Variants in COL13A1 observed in about 807,000 individuals in gnomAD.
The protein encoded by COL13A1 is collagen alpha-1(XIII) chain.
Under a neutral mutation model 130.9 loss-of-function variants are expected in COL13A1, and 89 were observed. The ratio of observed to expected loss-of-function variants is 0.68; its 90% CI spans 0.57 to 0.81. The LOEUF is 0.81. Among genes scored for constraint, COL13A1 ranks in the 30% least tolerant of loss-of-function variants. The probability of loss-of-function intolerance (pLI) is 0.00; values close to 1 mark genes in which losing one functional copy is unlikely to be tolerated. For missense variants in COL13A1, 879 were observed against 934.6 expected, an observed-to-expected ratio of 0.94 and a Z score of 0.78; for synonymous variants, 402 against 341.6, an observed-to-expected ratio of 1.18 and a Z score of -1.95.
intron 26 of COL13A1, among the ~76,000 whole-genome samples, chr10:69,926,187 C>T (rs972121836): frequency 6.6e-6 from 1 of 152,244 alleles, no homozygotes; most frequent in Non-Finnish European, 1.5e-5. Context: ...ACGGCCCATG[C>T]AGGGTGCTGG....
At chr10:69,887,069 TA>T (rs1340378845) in intron 7 of COL13A1, among the ~76,000 whole-genome samples, 1 of 152,072 alleles carries the variant, frequency 6.6e-6, no homozygotes, top group Non-Finnish European at 1.5e-5. Flanking sequence ...ACTGTGTAAA[TA>T]AAAAAGGGCT....
chr10:69,836,019 G>A (rs1402386102), intron 2 of COL13A1, among the ~76,000 whole-genome samples: 2 of 152,068 alleles, frequency 1.3e-5, no homozygotes, highest in African/African-American at 4.8e-5. Context: ...AGTGTGTGTT[G>A]AAGCCAGAAT....
At chr10:69,804,809 C>CAAAGA (rs1841047843) in intron 1 of COL13A1, among the ~76,000 whole-genome samples, 2 of 75,380 alleles carry the variant, frequency 2.7e-5, no homozygotes, top group Non-Finnish European at 4.7e-5. Context: ...ATGTCGTGTG[C>CAAAGA]AAAAAAAAAA....
At chr10:69,854,101 A>T (rs925766658) in intron 2 of COL13A1, among the ~76,000 whole-genome samples, 1 of 152,182 alleles carries the variant, frequency 6.6e-6, no homozygotes, top group Non-Finnish European at 1.5e-5. Context: ...CCTCCCGAGA[A>T]CCCCACATCC....
At chr10:69,944,055 C>A in intron 35 of COL13A1, 70 bp from the exon 36 acceptor site, 2 of 1,313,718 alleles carry the variant, frequency 1.5e-6, no homozygotes, top group Non-Finnish European at 2.2e-6. Context: ...CATCTCTAGG[C>A]ATCAGGTGGG....
chr10:69,928,136 A>T (rs2065624623), intron 27 of COL13A1, among the ~76,000 whole-genome samples: 1 of 152,198 alleles, frequency 6.6e-6, no homozygotes, highest in South Asian at 2.1e-4. Flanking sequence ...TGGGTGACAG[A>T]GTGAGACTCT....
At chr10:69,941,878 C>T (rs975996586) in intron 35 of COL13A1, among the ~76,000 whole-genome samples, 3 of 152,174 alleles carry the variant, frequency 2.0e-5, no homozygotes, top group South Asian at 2.1e-4. Flanking sequence ...AGTCCCTGCT[C>T]GGACACCATC....
At chr10:69,908,361 C>T (rs1338610862) in intron 17 of COL13A1, among the ~76,000 whole-genome samples, 3 of 152,142 alleles carry the variant, frequency 2.0e-5, no homozygotes, top group African/African-American at 7.2e-5. Flanking sequence ...TGGAAATCAG[C>T]CCCCGCAGTT....
At chr10:69,897,372 GGGAGA>G in intron 13 of COL13A1, 1 of 1,223,644 alleles carries the variant, frequency 8.2e-7, no homozygotes, top group East Asian at 2.6e-5. Context: ...TCCCCAGGGA[GGGAGA>G]GGAGAGGGGT....
intron 8 of COL13A1, 90 bp from the exon 9 acceptor site, chr10:69,888,214 A>G: frequency 6.7e-7 from 1 of 1,489,214 alleles, no homozygotes. Context: ...ATCAGAATCC[A>G]GAATCTGTGC....
chr10:69,936,744 T>C lies in COL13A1; in HGVS notation c.1771-12T>C, dbSNP rs749164159. Reference sequence around the variant, plus strand: ...TGCAGTTCTAATGCACCTTGCTTTATTCCAAATGCAGGGGCTCCAAGGTGT... The same window carrying C: ...TGCAGTTCTAATGCACCTTGCTTTACTCCAAATGCAGGGGCTCCAAGGTGT... On this transcript the variant is annotated splice_polypyrimidine_tract_variant and intron_variant, in intron 32 of 40. Coordinates refer to ENST00000645393, the MANE Select transcript of COL13A1 (RefSeq NM_001368882.1). 3.7e-6 allele frequency: 6 copies of C among 1,613,904 alleles called. No individual in the cohort carries two copies. Among genetic ancestry groups the C allele is most frequent in the African/African-American group, 1.3e-5 (1 of 75,026 alleles).
At chr10:69,829,605 C>T (rs1024492939) in intron 2 of COL13A1, among the ~76,000 whole-genome samples, 1 of 152,230 alleles carries the variant, frequency 6.6e-6, no homozygotes, top group Non-Finnish European at 1.5e-5. Flanking sequence ...GTTGCAGCCC[C>T]ATTTCAGGCA....
intron 18 of COL13A1, among the ~76,000 whole-genome samples, chr10:69,917,987 A>G (rs1434237555): frequency 1.6e-5 from 2 of 128,382 alleles, no homozygotes; most frequent in East Asian, 5.0e-4. Context: ...TCCCAGCCCC[A>G]TCTAGTGCCC....
chr10:69,846,208 C>T (rs537823392), intron 2 of COL13A1, among the ~76,000 whole-genome samples: 2 of 152,232 alleles, frequency 1.3e-5, no homozygotes, highest in African/African-American at 4.8e-5. Context: ...CAGCCCAGCC[C>T]TCGGTAACAA....
intron 2 of COL13A1, among the ~76,000 whole-genome samples, chr10:69,830,470 GA>G (rs1394001345): frequency 6.6e-6 from 1 of 151,910 alleles, no homozygotes; most frequent in Non-Finnish European, 1.5e-5. Flanking sequence ...CCTCTGGAGG[GA>G]AAAAAGCAAA....
intron 2 of COL13A1, among the ~76,000 whole-genome samples, chr10:69,854,125 T>A (rs2763349): frequency 6.6e-6 from 1 of 152,090 alleles, no homozygotes. Flanking sequence ...GCACGTACAC[T>A]GGAGGCCATA....
chr10:69,932,484 T>C, intron 30 of COL13A1, 76 bp from the exon 31 acceptor site: 1 of 1,038,252 alleles, frequency 9.6e-7, no homozygotes, highest in Non-Finnish European at 1.5e-6. Flanking sequence ...GTCTAGTTTG[T>C]CACAGATGTG....
At chr10:69,885,501 C>G (rs2060515619) in intron 7 of COL13A1, among the ~76,000 whole-genome samples, 1 of 152,206 alleles carries the variant, frequency 6.6e-6, no homozygotes, top group Non-Finnish European at 1.5e-5. Context: ...CCAGTTTCCA[C>G]TTGGTCCGTG....
At chr10:69,820,299 T>G (rs1845731917) in intron 1 of COL13A1, among the ~76,000 whole-genome samples, 1 of 152,232 alleles carries the variant, frequency 6.6e-6, no homozygotes, top group Non-Finnish European at 1.5e-5. Context: ...AAATTCTGTC[T>G]CCAGCCCAAC....
Sources: allele counts gnomAD v4.1 joint callset (sites outside exome capture counted in the v4.1 genomes callset), GRCh38; gene constraint gnomAD v4.1.1; transcripts MANE v1.5; gene names NCBI Gene and HGNC (gene_info 2026-07-23, HGNC 2026-07-21).